The following UGP2 variants were observed in gnomAD, a reference collection of about 807,000 sequenced individuals.
UGP2 encodes UTP--glucose-1-phosphate uridylyltransferase.
In UGP2, 40 loss-of-function variants were observed where a neutral mutation model predicts 49.0. That is an observed-to-expected ratio of 0.82 (90% CI 0.63 to 1.06). The LOEUF (loss-of-function observed/expected upper bound fraction) is 1.06, where lower values mean the gene tolerates loss of function less well. Ranked by LOEUF, UGP2 falls within the 50% of genes least tolerant of loss-of-function variation. The probability of loss-of-function intolerance (pLI) is 0.00; values close to 1 mark genes in which losing one functional copy is unlikely to be tolerated. For missense variants in UGP2, 460 were observed against 603.5 expected (o/e 0.76, Z 2.49); for synonymous variants, 225 against 213.0 (o/e 1.06, Z -0.49).
intron 3 of UGP2, 116 bp from the exon 4 acceptor site, chr2:63,882,350 A>G (rs1401876314): frequency 1.0e-6 from 1 of 997,214 alleles, no homozygotes; most frequent in Non-Finnish European, 1.4e-6. Context: ...GTTGATTAAA[A>G]CTTTCCACAG....
At chr2:63,889,873 G>C (rs1671966197) in intron 8 of UGP2, 1 of 458,024 alleles carries the variant, frequency 2.2e-6, no homozygotes, top group East Asian at 3.8e-5. Context: ...TAAATTGCTT[G>C]GTGTAAAAAC....
At chr2:63,866,935 G>A (rs186017200) in intron 3 of UGP2, among the ~76,000 whole-genome samples, 14 of 152,208 alleles carry the variant, frequency 9.2e-5, no homozygotes, top group Admixed American at 7.8e-4. Context: ...CAGATTTCTC[G>A]TGGTTCTTGG....
intron 5 of UGP2, among the ~76,000 whole-genome samples, chr2:63,884,896 C>G (rs1190466167): frequency 1.4e-5 from 2 of 146,656 alleles, no homozygotes; most frequent in Non-Finnish European, 3.0e-5. Context: ...GACCCTATCT[C>G]AAAAATAAAA....
Position 63,886,537 on chromosome 2 carries a change from AG to A in UGP2, c.1071+1del. 1 of 1,613,978 alleles carries A rather than the reference AG, an allele frequency of 6.2e-7. No homozygotes were observed. On this transcript the variant is annotated frameshift_variant and splice_region_variant, in exon 7 of 10. Transcript: ENST00000337130. LOFTEE classifies it high-confidence loss of function. Reference sequence around the variant, plus strand: ...GACATGGAAATCATTGTGAATGCAAAGGTAAGCCAAGGTTGTGGCCCATTGA... The same window carrying A: ...GACATGGAAATCATTGTGAATGCAAAGTAAGCCAAGGTTGTGGCCCATTGA... ...AIDMEIIVNA[K>X]TLDGGLNVIQ...
chr2:63,855,520 G>GTTTTTTTTTTTTTTTTTTTCTTT (rs1669337259), intron 1 of UGP2: 6 of 194,308 alleles, frequency 3.1e-5, no homozygotes, highest in South Asian at 8.2e-5. Context: ...TTCTTTTTCT[G>GTTTTTTTTTTTTTTTTTTTCTTT]TTTTTTTTTT....
At position 63,891,301 on chromosome 2, in the gene UGP2, A is replaced by G. The variant is rs904336583; in HGVS notation, c.*74A>G. 3.8e-6 allele frequency: 5 copies of G among 1,301,478 alleles called. No homozygotes were observed. The highest frequency in any genetic ancestry group is 5.5e-6 in the Non-Finnish European group (5 of 913,126). 80.6% of individuals were successfully genotyped at this position (1,301,478 alleles called of 1,614,324 possible). A position where few individuals can be genotyped will look rare whatever the true frequency, so the allele number is the denominator to read the frequency against. ...GAAATGTTCTCTAGGATTCTAAAAT[A>G]GGCAGGTACTTTACTATGTTACTGT... On this transcript the variant is annotated 3_prime_UTR_variant, in exon 10 of 10. Transcript: ENST00000337130.
intron 1 of UGP2, 73 bp from the exon 2 acceptor site, chr2:63,856,233 C>A: frequency 6.5e-7 from 1 of 1,534,100 alleles, no homozygotes; most frequent in Non-Finnish European, 8.7e-7. Context: ...TACCAGAAAT[C>A]AGTTATAGCT....
intron 3 of UGP2, among the ~76,000 whole-genome samples, chr2:63,868,839 T>A (rs557469944): frequency 6.6e-6 from 1 of 151,934 alleles, no homozygotes; most frequent in East Asian, 1.9e-4. Context: ...CCGGGCGTGG[T>A]GGCATGTACC....
At chr2:63,861,166 TTATATA>T (rs951811004) in intron 3 of UGP2, among the ~76,000 whole-genome samples, 1 of 151,918 alleles carries the variant, frequency 6.6e-6, no homozygotes, top group African/African-American at 2.4e-5. Flanking sequence ...AAAAAAATTT[TTATATA>T]TATATAAAGG....
chr2:63,870,051 T>C (rs562111170), intron 3 of UGP2, among the ~76,000 whole-genome samples: 1 of 151,816 alleles, frequency 6.6e-6, no homozygotes, highest in African/African-American at 2.4e-5. Context: ...GCCTCCTGAG[T>C]AGCTGGGACT....
In UGP2 at chr2:63,869,308, T is replaced by A. The variant is rs1232670224; in HGVS notation, c.255+11372T>A. Among the ~76,000 whole-genome samples, 3 of 152,384 alleles carry A rather than the reference T, an allele frequency of 2.0e-5. No homozygotes were observed. The South Asian group carries it at 6.2e-4, about 32-fold the overall frequency. ...GTTTTATTGCCAATCTCACTGTATT[T>A]ATTAAAGCATTTAATATTATCACTT... On this transcript the variant is annotated intron_variant, in intron 3 of 9. Coordinates refer to ENST00000337130, the MANE Select transcript of UGP2 (RefSeq NM_006759.4).
intron 1 of UGP2, among the ~76,000 whole-genome samples, chr2:63,847,243 G>A (rs993734530): frequency 6.6e-6 from 1 of 152,138 alleles, no homozygotes; most frequent in African/African-American, 2.4e-5. Context: ...TGTTATTTTA[G>A]TCCATAGGTA....
intron 3 of UGP2, among the ~76,000 whole-genome samples, chr2:63,868,543 ACCG>A (rs1429577386): frequency 1.3e-5 from 2 of 152,146 alleles, no homozygotes; most frequent in South Asian, 4.1e-4. Context: ...TGTTATTAAA[ACCG>A]TGTAATGAAT....
intron 1 of UGP2, among the ~76,000 whole-genome samples, chr2:63,854,407 A>G (rs1043728487): frequency 1.3e-5 from 2 of 152,238 alleles, no homozygotes; most frequent in Non-Finnish European, 2.9e-5. Flanking sequence ...TCCTTTAGAA[A>G]CACAACTGTC....
chr2:63,862,973 C>T (rs1266760723), intron 3 of UGP2: 2 of 409,954 alleles, frequency 4.9e-6, no homozygotes, highest in Non-Finnish European at 9.7e-6. Context: ...CTTTCCAGCT[C>T]CCTGAGTCAT....
intron 3 of UGP2, among the ~76,000 whole-genome samples, chr2:63,865,275 G>A (rs1453285942): frequency 1.3e-5 from 2 of 152,192 alleles, no homozygotes; most frequent in Non-Finnish European, 2.9e-5. Flanking sequence ...GTAAGAGGCC[G>A]TTTAGTTGGG....
chr2:63,879,441 A>G (rs115703947), intron 3 of UGP2, among the ~76,000 whole-genome samples: 198 of 152,346 alleles, frequency 1.3e-3, no homozygotes, highest in Non-Finnish European at 2.4e-3. Flanking sequence ...AGTTACATCT[A>G]GATAACGTTT....
At chr2:63,873,031 T>G (rs547883884) in intron 3 of UGP2, among the ~76,000 whole-genome samples, 1 of 152,284 alleles carries the variant, frequency 6.6e-6, no homozygotes, top group South Asian at 2.1e-4. Context: ...CAATCCTGTA[T>G]GAATGATGCA....
rs746618885 is a variant in UGP2 at position 63,886,361 on chromosome 2, T to TG, written c.895dup (p.Glu299GlyfsTer30). The TG allele has an allele frequency of 1.9e-6, 3 of 1,614,192 alleles. No homozygotes were observed. Among genetic ancestry groups the TG allele is most frequent in the Non-Finnish European group, 2.5e-6 (3 of 1,180,022 alleles). The stretch of plus-strand genomic sequence containing the variant: ...TCTAGGGCGGGACACTCACTCAATA[T>TG]GAAGGCAAACTGAGACTGGTGGAAA... On this transcript the variant is annotated frameshift_variant, in exon 7 of 10. Transcript: ENST00000337130. LOFTEE classifies it high-confidence loss of function.
Sources: gnomAD v4.1 joint callset for allele counts (sites outside exome capture counted in the v4.1 genomes callset) on GRCh38, gnomAD v4.1.1 for gene constraint, MANE v1.5 for transcripts, NCBI Gene and HGNC (gene_info 2026-07-23, HGNC 2026-07-21) for gene names.